EMC2: variants seen among roughly 807,000 people sequenced by gnomAD.
EMC2 encodes TPR repeat protein 35.
Under a neutral mutation model 51.6 loss-of-function variants are expected in EMC2, and 37 were observed. The observed-to-expected ratio is 0.72, with a 90% CI of 0.55 to 0.94. EMC2 has a LOEUF of 0.94. Ranked by LOEUF, EMC2 falls within the 40% of genes least tolerant of loss-of-function variation. The pLI is 0.00. For missense variants in EMC2, 359 were observed against 350.9 expected, an observed-to-expected ratio of 1.02 and a Z score of -0.18; for synonymous variants, 131 against 112.4, an observed-to-expected ratio of 1.17 and a Z score of -1.04.
chr8:108,473,884 T>C (rs777690174), intron 7 of EMC2: 2 of 152,066 alleles, frequency 1.3e-5, no homozygotes, highest in Non-Finnish European at 2.9e-5. Flanking sequence ...CTTAGTCTTG[T>C]TGAGTCACTG....
intron 9 of EMC2, 77 bp from the exon 10 acceptor site, chr8:108,478,929 A>T (rs2130408222): frequency 1.6e-6 from 1 of 623,094 alleles, no homozygotes; most frequent in East Asian, 3.1e-5. Context: ...TCCCATTGCA[A>T]CCATGTCCCT....
chr8:108,452,810 T>C (rs1173807787), intron 3 of EMC2, among the ~76,000 whole-genome samples: 1 of 152,192 alleles, frequency 6.6e-6, no homozygotes, highest in East Asian at 1.9e-4. Flanking sequence ...TAAAGAGTTA[T>C]TAGTGGTTCT....
Position 108,456,194 on chromosome 8 carries a change from G to A in EMC2, c.363+264G>A, listed in dbSNP as rs184755580. The A allele has an allele frequency of 3.9e-3, 619 of 160,710 alleles. 4 individuals carry two copies. The highest frequency in any genetic ancestry group is 0.012 in the Middle Eastern group (4 of 326). 10.0% of individuals were successfully genotyped at this position (160,710 alleles called of 1,614,324 possible). Reference sequence around the variant, plus strand: ...ACTAAAAAGCAAAAATTAGCTGGGTGTGGTGGCATGTGCCTGTAATCCCAC... The same window carrying A: ...ACTAAAAAGCAAAAATTAGCTGGGTATGGTGGCATGTGCCTGTAATCCCAC... On this transcript the variant is annotated intron_variant, in intron 5 of 10. Coordinates refer to ENST00000220853, the MANE Select transcript of EMC2 (RefSeq NM_014673.5).
Position 108,449,016 on chromosome 8 carries a change from T to C in EMC2, c.41-807T>C, listed in dbSNP as rs75450386. On this transcript the variant is annotated intron_variant, in intron 1 of 10. Transcript: ENST00000220853. ...AGAAACTCACTCTTCTTACTTCTTA[T>C]ACACTCATTTCCTGATCCTAGTGTG... is the stretch of plus-strand genomic sequence containing the variant. Among the ~76,000 whole-genome samples the C allele has an allele frequency of 5.3e-3, 812 of 152,334 alleles. 5 individuals carry two copies. The highest frequency in any genetic ancestry group is 0.018 in the African/African-American group (757 of 41,590).
At chr8:108,445,323 G>T (rs73699814) in intron 1 of EMC2, among the ~76,000 whole-genome samples, 1 of 152,110 alleles carries the variant, frequency 6.6e-6, no homozygotes, top group Non-Finnish European at 1.5e-5. Flanking sequence ...ATGATCTGGC[G>T]GTTGCCCATG....
At chr8:108,468,607 C>T (rs1265795290) in intron 5 of EMC2, among the ~76,000 whole-genome samples, 2 of 152,028 alleles carry the variant, frequency 1.3e-5, no homozygotes, top group East Asian at 3.9e-4. Flanking sequence ...TCTTCAGAGC[C>T]AAATCACTCT....
intron 1 of EMC2, chr8:108,446,212 A>T (rs1300049994): frequency 5.4e-6 from 2 of 367,964 alleles, no homozygotes; most frequent in Non-Finnish European, 1.1e-5. Context: ...TAGTTGAGTG[A>T]TGAAGAACTC....
At chr8:108,462,554 T>G (rs1250353409) in intron 5 of EMC2, among the ~76,000 whole-genome samples, 1 of 152,174 alleles carries the variant, frequency 6.6e-6, no homozygotes, top group East Asian at 1.9e-4. Context: ...GTTACAAATT[T>G]CCTTCTGAAA....
chr8:108,452,196 C>T (rs1290189703), intron 3 of EMC2, among the ~76,000 whole-genome samples: 1 of 152,084 alleles, frequency 6.6e-6, no homozygotes, highest in Non-Finnish European at 1.5e-5. Context: ...ATTATGGATA[C>T]TTGTTCAAAG....
At chr8:108,454,278 A>AT (rs1690711157) in intron 4 of EMC2, among the ~76,000 whole-genome samples, 1 of 151,622 alleles carries the variant, frequency 6.6e-6, no homozygotes, top group East Asian at 1.9e-4. Context: ...TGCTCTTGTT[A>AT]TTTTTTCTTT....
chr8:108,444,354 G>T (rs1263726849), intron 1 of EMC2, among the ~76,000 whole-genome samples: 1 of 152,176 alleles, frequency 6.6e-6, no homozygotes, highest in African/African-American at 2.4e-5. Flanking sequence ...GGCTACGTAA[G>T]TGCTTACGTG....
intron 10 of EMC2, among the ~76,000 whole-genome samples, chr8:108,484,912 A>T (rs1439201374): frequency 2.0e-5 from 3 of 152,082 alleles, no homozygotes; most frequent in Non-Finnish European, 2.9e-5. Flanking sequence ...CATATTTAAC[A>T]TATGAATTCC....
At chr8:108,460,955 G>C (rs1413550121) in intron 5 of EMC2, among the ~76,000 whole-genome samples, 2 of 152,150 alleles carry the variant, frequency 1.3e-5, no homozygotes, top group Non-Finnish European at 2.9e-5. Context: ...TAAGAGTAGA[G>C]ATACTGTTTC....
chr8:108,477,714 C>T (rs1810972331), intron 9 of EMC2, among the ~76,000 whole-genome samples: 1 of 152,008 alleles, frequency 6.6e-6, no homozygotes. Context: ...ATTGCAATGG[C>T]TTGAAAATAC....
intron 10 of EMC2, among the ~76,000 whole-genome samples, chr8:108,479,946 C>A (rs954662564): frequency 6.6e-6 from 1 of 152,054 alleles, no homozygotes; most frequent in African/African-American, 2.4e-5. Context: ...AAATATGATG[C>A]CGTCTTGACT....
chr8:108,474,126 A>C (rs1810906704), intron 7 of EMC2: 1 of 151,992 alleles, frequency 6.6e-6, no homozygotes. Context: ...TCCTTTTCTC[A>C]TATGTGATGC....
chr8:108,445,434 G>T (rs1465350287), intron 1 of EMC2, among the ~76,000 whole-genome samples: 1 of 151,978 alleles, frequency 6.6e-6, no homozygotes, highest in East Asian at 1.9e-4. Flanking sequence ...CTTAAAGCTG[G>T]CACATGCTAG....
intron 8 of EMC2, among the ~76,000 whole-genome samples, chr8:108,476,197 T>TTC (rs1455957878): frequency 8.6e-5 from 13 of 151,876 alleles, no homozygotes; most frequent in Admixed American, 7.9e-4. Flanking sequence ...GTATACTATT[T>TTC]TCTTTCCTAA....
chr8:108,469,666 G>T (rs896571442), intron 5 of EMC2, among the ~76,000 whole-genome samples, 160 bp from the exon 6 acceptor site: 3 of 152,184 alleles, frequency 2.0e-5, no homozygotes, highest in African/African-American at 7.2e-5. Context: ...GAATTCCCCA[G>T]TGGGATGTCA....
Sources: gnomAD v4.1 joint callset for allele counts (sites outside exome capture counted in the v4.1 genomes callset) on GRCh38, gnomAD v4.1.1 for gene constraint, MANE v1.5 for transcripts, NCBI Gene and HGNC (gene_info 2026-07-23, HGNC 2026-07-21) for gene names.